DMD: variants seen among roughly 807,000 people sequenced by gnomAD.
DMD encodes mutant dystrophin.
Under a neutral mutation model 330.1 loss-of-function variants are expected in DMD, and 63 were observed. The observed-to-expected ratio is 0.19, with a 90% CI of 0.16 to 0.24. The LOEUF is 0.24. Ranked by LOEUF, DMD falls within the 10% of genes least tolerant of loss-of-function variation. The pLI, the probability that DMD is intolerant of heterozygous loss-of-function variation, is 1.00. For missense variants in DMD, 3,344 were observed against 2,684.1 expected (o/e 1.25, Z -5.43); for synonymous variants, 1,223 against 959.8 (o/e 1.27, Z -5.07).
rs755873558 is a variant in DMD at position 33,265,134 on chromosome X, G to A, written c.7+74125C>T. Among the ~76,000 whole-genome samples, 10 of 110,411 alleles carry A rather than the reference G, an allele frequency of 9.1e-5. No homozygotes were observed. The East Asian group carries it at 2.6e-3, about 28-fold the overall frequency. On this transcript the variant is annotated intron_variant, in intron 1 of 17. Coordinates refer to the DMD transcript ENST00000288447. ...ATTACTGACCTCTAAAACTTAGGGG[G>A]ACTTTAGGCTGAGTCCAGGAATTTT...
At chrX:32,805,462 T>A (rs764831742) in intron 7 of DMD, among the ~76,000 whole-genome samples, 1 of 111,995 alleles carries the variant, frequency 8.9e-6, no homozygotes. Flanking sequence ...TATGGGACTA[T>A]GTGAAAAGAC....
At chrX:32,650,763 G>C (rs978954748) in intron 9 of DMD, among the ~76,000 whole-genome samples, 4 of 112,043 alleles carry the variant, frequency 3.6e-5, no homozygotes, top group Non-Finnish European at 7.5e-5. Context: ...TGAGGATTTA[G>C]GAAAAATCAT....
At chrX:32,723,261 G>C (rs967721359) in intron 7 of DMD, among the ~76,000 whole-genome samples, 1 of 111,239 alleles carries the variant, frequency 9.0e-6, no homozygotes, top group African/African-American at 3.3e-5. Context: ...AACCAACCTT[G>C]TGTCCTAGGG....
chrX:31,751,954 CCTTTTCCAG>C (rs1603459962), intron 51 of DMD, among the ~76,000 whole-genome samples: 1 of 112,145 alleles, frequency 8.9e-6, no homozygotes, highest in African/African-American at 3.2e-5. Context: ...CTTTTCCATG[CCTTTTCCAG>C]CTTTTAGAGC....
chrX:32,614,477 T>A, intron 11 of DMD, 24 bp from the exon 12 acceptor site: 1 of 1,170,289 alleles, frequency 8.5e-7, no homozygotes, highest in Non-Finnish European at 1.2e-6. Context: ...AGAAGCCTAT[T>A]ATGACCTCTT....
At position 32,412,357 on chromosome X, in the gene DMD, G is replaced by A. The variant is rs942495176; in HGVS notation, c.4072-444C>T. ...CACCAGTGAGATACATGTACAATCT[G>A]TTCAGAATCAGCTCCTTGTCAAAAA... On this transcript the variant is annotated intron_variant, in intron 29 of 78. Coordinates refer to ENST00000357033, the MANE Select transcript of DMD (RefSeq NM_004006.3). The A allele has an allele frequency of 4.1e-5, 18 of 439,295 alleles. No individual in the cohort carries two copies. In the African/African-American group the frequency reaches 4.1e-4, roughly 10 times the overall value. The allele number at this position is 439,295 out of a possible 1,213,427, so 36.2% of individuals were successfully genotyped here. A position where few individuals can be genotyped will look rare whatever the true frequency, so the allele number is the denominator to read the frequency against.
At chrX:31,808,771 G>A (rs2092369428) in intron 50 of DMD, among the ~76,000 whole-genome samples, 2 of 110,505 alleles carry the variant, frequency 1.8e-5, no homozygotes, top group South Asian at 7.8e-4. Context: ...CAGGTTCAAA[G>A]GAAAAGGGCA....
At chrX:31,936,413 A>G (rs1382834492) in intron 45 of DMD, among the ~76,000 whole-genome samples, 3 of 111,812 alleles carry the variant, frequency 2.7e-5, no homozygotes, top group Admixed American at 1.9e-4. Context: ...ATATACCAAT[A>G]AAACAAATAA....
chrX:31,824,223 A>G (rs1325711025), intron 49 of DMD, among the ~76,000 whole-genome samples: 3 of 111,716 alleles, frequency 2.7e-5, no homozygotes, highest in South Asian at 3.7e-4. Context: ...TGTATGTGAA[A>G]GAAATGGATA....
chrX:33,056,355 CTTTTCT>C (rs2094518113), intron 1 of DMD, among the ~76,000 whole-genome samples: 2 of 101,998 alleles, frequency 2.0e-5, no homozygotes, highest in Non-Finnish European at 4.0e-5. Flanking sequence ...TTTTCTTTTT[CTTTTCT>C]TTTTTCTTTT....
chrX:33,114,112 A>ATT (rs1283009939), intron 1 of DMD, among the ~76,000 whole-genome samples: 40 of 99,078 alleles, frequency 4.0e-4, no homozygotes, highest in African/African-American at 1.3e-3. Flanking sequence ...TATTATTATT[A>ATT]TTTTTTTTTT....
At chrX:32,185,016 G>A (rs891115782) in intron 44 of DMD, among the ~76,000 whole-genome samples, 10 of 110,217 alleles carry the variant, frequency 9.1e-5, no homozygotes, top group African/African-American at 3.3e-4. Flanking sequence ...CATTACCTGT[G>A]ACAAGAAATA....
Position 31,178,685 on chromosome X carries a change from C to A in DMD, c.10207G>T (p.Gly3403Trp). 8.3e-7 allele frequency: 1 copy of A among 1,210,027 alleles called. No individual in the cohort carries two copies. The highest frequency in any genetic ancestry group is 1.1e-6 in the Non-Finnish European group (1 of 894,124). The change falls in exon 70 of 79, where the codon GGG (glycine) becomes TGG (tryptophan). Residue 3403 changes from glycine to tryptophan, a missense_variant. Coordinates refer to ENST00000357033, the MANE Select transcript of DMD (RefSeq NM_004006.3). ...GYLPVQTVLEGDNMETPVTLI... is the reference protein window; with the variant it reads ...GYLPVQTVLEWDNMETPVTLI... ...ACTACTCACGTTTCCATGTTGTCCCCCTCTAAGACAGTCTGCACTGGCAGG... is the reference window on the plus strand; with the variant it reads ...ACTACTCACGTTTCCATGTTGTCCCACTCTAAGACAGTCTGCACTGGCAGG...
chrX:32,445,469 C>A (rs1484276822), intron 27 of DMD, among the ~76,000 whole-genome samples: 2 of 110,717 alleles, frequency 1.8e-5, no homozygotes, highest in Non-Finnish European at 3.8e-5. Flanking sequence ...CTCACTCCTG[C>A]GTCTGTATAA....
At chrX:33,328,997 G>A (rs768036797) in intron 1 of DMD, among the ~76,000 whole-genome samples, 10 of 111,691 alleles carry the variant, frequency 9.0e-5, no homozygotes, top group South Asian at 3.7e-4. Flanking sequence ...ATAGAAAAAT[G>A]AGCATGAGAT....
At chrX:32,855,437 A>G (rs928856510) in intron 2 of DMD, among the ~76,000 whole-genome samples, 17 of 112,119 alleles carry the variant, frequency 1.5e-4, no homozygotes, top group Admixed American at 1.4e-3. Flanking sequence ...TATACTAACC[A>G]AAAATGCATG....
chrX:33,220,116 T>C (rs1402180301), intron 1 of DMD, among the ~76,000 whole-genome samples: 2 of 111,700 alleles, frequency 1.8e-5, no homozygotes, highest in Non-Finnish European at 3.8e-5. Context: ...ATCCAAACCT[T>C]TTTTTCCCTT....
intron 44 of DMD, among the ~76,000 whole-genome samples, chrX:32,120,424 C>T (rs1359379564): frequency 9.0e-6 from 1 of 111,689 alleles, no homozygotes; most frequent in African/African-American, 3.3e-5. Flanking sequence ...GTACTACTGG[C>T]CTAGAGTTGC....
chrX:33,230,618 T>C (rs1372582101), intron 1 of DMD, among the ~76,000 whole-genome samples: 1 of 111,130 alleles, frequency 9.0e-6, no homozygotes, highest in East Asian at 2.8e-4. Context: ...TGCATATATC[T>C]GACCTTTATT....
Sources: gnomAD v4.1 joint callset for allele counts (sites outside exome capture counted in the v4.1 genomes callset) on GRCh38, gnomAD v4.1.1 for gene constraint, MANE v1.5 for transcripts, NCBI Gene and HGNC (gene_info 2026-07-23, HGNC 2026-07-21) for gene names.